The following LIX1 variants were observed in gnomAD, a reference collection of about 807,000 sequenced individuals.
The protein encoded by LIX1 is protein limb expression 1 homolog.
A neutral mutation model predicts 33.4 loss-of-function variants in LIX1; 24 were observed. The ratio of observed to expected loss-of-function variants is 0.72; its 90% CI spans 0.52 to 1.01. The LOEUF (loss-of-function observed/expected upper bound fraction) is 1.01. Ranked by LOEUF, LIX1 falls within the 50% of genes least tolerant of loss-of-function variation. LIX1 has a pLI of 0.00. For missense variants in LIX1, 311 were observed against 339.2 expected (o/e 0.92, Z 0.65); for synonymous variants, 124 against 124.0 (o/e 1.00, Z 0.00).
intron 4 of LIX1, among the ~76,000 whole-genome samples, chr5:97,100,103 A>G (rs759465620): frequency 4.6e-5 from 7 of 152,066 alleles, no homozygotes; most frequent in Non-Finnish European, 1.0e-4. Context: ...TTTCTTATCT[A>G]TACACTAACT....
intron 2 of LIX1, among the ~76,000 whole-genome samples, chr5:97,121,869 G>C (rs944587414): frequency 1.5e-4 from 23 of 152,148 alleles, no homozygotes; most frequent in Non-Finnish European, 3.1e-4. Flanking sequence ...TGTTTCCCTA[G>C]AGGGGCTCCC....
chr5:97,093,980 G>A lies in LIX1; in HGVS notation c.*768C>T, dbSNP rs868034174. ...TAAGAACAAATTAGTTCAGGTTATC[G>A]ATTTGCAAATTAAAAATGAACAAAA... On this transcript the variant is annotated 3_prime_UTR_variant, in exon 6 of 6. Transcript: ENST00000274382. 5.9e-5 allele frequency: 9 copies of A among 152,348 alleles called. 1 individual carries two copies. The highest frequency in any genetic ancestry group is 3.4e-3 in the Middle Eastern group (1 of 294). 9.4% of individuals were successfully genotyped at this position (152,348 alleles called of 1,614,324 possible). A position where few individuals can be genotyped will look rare whatever the true frequency, so the allele number is the denominator to read the frequency against.
intron 2 of LIX1, among the ~76,000 whole-genome samples, chr5:97,114,258 G>C (rs1349128329): frequency 6.6e-6 from 1 of 152,128 alleles, no homozygotes; most frequent in African/African-American, 2.4e-5. Flanking sequence ...CAGCACTTTG[G>C]GAGGCTGAGG....
At chr5:97,134,802 G>A (rs1748136441) in intron 1 of LIX1, among the ~76,000 whole-genome samples, 1 of 152,180 alleles carries the variant, frequency 6.6e-6, no homozygotes, top group South Asian at 2.1e-4. Flanking sequence ...TTTTGGCCAG[G>A]CTAATGGAAT....
At chr5:97,128,618 A>G (rs1374383030) in intron 1 of LIX1, among the ~76,000 whole-genome samples, 1 of 152,098 alleles carries the variant, frequency 6.6e-6, no homozygotes, top group African/African-American at 2.4e-5. Flanking sequence ...TTTCTTTTTC[A>G]TAAACTCTTC....
chr5:97,107,806 G>A (rs1747137019), intron 2 of LIX1, among the ~76,000 whole-genome samples: 1 of 152,028 alleles, frequency 6.6e-6, no homozygotes, highest in Admixed American at 6.6e-5. Context: ...GGCTATTATT[G>A]TGTGCTAGAT....
chr5:97,104,445 T>G (rs1746903232), intron 4 of LIX1, among the ~76,000 whole-genome samples: 1 of 152,220 alleles, frequency 6.6e-6, no homozygotes, highest in Non-Finnish European at 1.5e-5. Flanking sequence ...ATAATAGATG[T>G]GTGAGCTCAG....
intron 2 of LIX1, among the ~76,000 whole-genome samples, chr5:97,117,694 A>G (rs151028576): frequency 3.0e-4 from 46 of 152,234 alleles, no homozygotes; most frequent in Middle Eastern, 3.4e-3. Flanking sequence ...AATACTCCTC[A>G]CCTTGTTTAA....
intron 2 of LIX1, among the ~76,000 whole-genome samples, chr5:97,108,414 T>G (rs1747186020): frequency 6.6e-6 from 1 of 152,228 alleles, no homozygotes; most frequent in Non-Finnish European, 1.5e-5. Context: ...TGGCTTTCTG[T>G]GGCTCATATG....
chr5:97,109,940 G>GTA (rs1214636321), intron 2 of LIX1, among the ~76,000 whole-genome samples: 1 of 152,220 alleles, frequency 6.6e-6, no homozygotes, highest in African/African-American at 2.4e-5. Context: ...ATATGGCTAA[G>GTA]TAGTATTCCA....
intron 1 of LIX1, among the ~76,000 whole-genome samples, chr5:97,126,889 C>T (rs1182084514): frequency 3.9e-5 from 6 of 152,116 alleles, no homozygotes; most frequent in South Asian, 4.1e-4. Context: ...CCGCCCATCT[C>T]GGCCTCCCAA....
intron 2 of LIX1, among the ~76,000 whole-genome samples, chr5:97,115,409 A>G (rs1251123627): frequency 6.6e-6 from 1 of 152,208 alleles, no homozygotes; most frequent in Non-Finnish European, 1.5e-5. Context: ...TGAAACAGTA[A>G]CTTTCCTGGT....
At chr5:97,110,848 C>A (rs1747351625) in intron 2 of LIX1, among the ~76,000 whole-genome samples, 2 of 151,846 alleles carry the variant, frequency 1.3e-5, no homozygotes, top group Admixed American at 1.3e-4. Flanking sequence ...TGTTGACACA[C>A]AAGAAGGCTT....
intron 1 of LIX1, among the ~76,000 whole-genome samples, chr5:97,129,013 G>A (rs1408770782): frequency 6.6e-6 from 1 of 152,116 alleles, no homozygotes; most frequent in East Asian, 1.9e-4. Flanking sequence ...ACTATGGAAT[G>A]AATAACTCCT....
In LIX1 at chr5:97,094,510, T is replaced by C. The variant is rs984392145; in HGVS notation, c.*238A>G. On this transcript the variant is annotated 3_prime_UTR_variant, in exon 6 of 6. Transcript: ENST00000274382. ...AATGTTTTTCAAACAATTTTGTGTC[T>C]ATCCTTTCATCCTGAGCTGGAACTA... The C allele has an allele frequency of 6.0e-6, 3 of 496,268 alleles. No individual in the cohort carries two copies. The highest frequency in any genetic ancestry group is 3.8e-5 in the African/African-American group (2 of 52,042). The allele number at this position is 496,268 out of a possible 1,614,324, so 30.7% of individuals were successfully genotyped here.
Position 97,141,850 on chromosome 5 carries a change from T to C in LIX1, c.82+645A>G, listed in dbSNP as rs975520296. On this transcript the variant is annotated intron_variant, in intron 1 of 5. Transcript: ENST00000274382. ...GTATTGCTAGAATTGGAAATCTTGATTGAATTATTTTTAAATCATTAAAAA... is the reference window on the plus strand; with the variant it reads ...GTATTGCTAGAATTGGAAATCTTGACTGAATTATTTTTAAATCATTAAAAA... Among the ~76,000 whole-genome samples the C allele has an allele frequency of 3.9e-4, 60 of 152,222 alleles. 1 individual carries two copies. The highest frequency in any genetic ancestry group is 3.8e-3 in the Admixed American group (58 of 15,268).
intron 1 of LIX1, among the ~76,000 whole-genome samples, chr5:97,136,080 G>A (rs1200609847): frequency 6.6e-6 from 1 of 152,216 alleles, no homozygotes; most frequent in African/African-American, 2.4e-5. Context: ...GCTCTAAAGA[G>A]CATGGTGCGT....
chr5:97,136,053 A>T (rs951005855), intron 1 of LIX1, among the ~76,000 whole-genome samples: 1 of 152,252 alleles, frequency 6.6e-6, no homozygotes, highest in African/African-American at 2.4e-5. Flanking sequence ...GGGTTTATGC[A>T]CAAGGCACAG....
At chr5:97,121,186 T>C (rs910678342) in intron 2 of LIX1, among the ~76,000 whole-genome samples, 1 of 152,194 alleles carries the variant, frequency 6.6e-6, no homozygotes, top group Non-Finnish European at 1.5e-5. Flanking sequence ...ATAGTGTACA[T>C]ATGCAGTATC....
Sources: gnomAD v4.1 joint callset for allele counts (sites outside exome capture counted in the v4.1 genomes callset) on GRCh38, gnomAD v4.1.1 for gene constraint, MANE v1.5 for transcripts, NCBI Gene and HGNC (gene_info 2026-07-23, HGNC 2026-07-21) for gene names.